Variants in MCPH1 observed in about 807,000 individuals in gnomAD.
The protein encoded by MCPH1 is microcephalin 1.
MCPH1 carries 104 observed loss-of-function variants against 84.5 expected under a neutral mutation model. That is an observed-to-expected ratio of 1.23 (90% confidence interval 1.05 to 1.45). The LOEUF is 1.45. Ranked by LOEUF, MCPH1 falls within the 40% of genes most tolerant of loss-of-function variation. The probability of loss-of-function intolerance (pLI) is 0.00; values close to 1 mark genes in which losing one functional copy is unlikely to be tolerated. For synonymous variants in MCPH1, 514 were observed against 366.8 expected, an observed-to-expected ratio of 1.40 and a Z score of -4.58; for missense variants, 1,498 against 1,005.7, an observed-to-expected ratio of 1.49 and a Z score of -6.62.
chr8:6,433,120 G>C (rs140835986), intron 4 of MCPH1, among the ~76,000 whole-genome samples: 1 of 152,032 alleles, frequency 6.6e-6, no homozygotes, highest in Non-Finnish European at 1.5e-5. Context: ...ATTTCATGTC[G>C]GTAGCTTTGA....
At chr8:6,509,284 C>G (rs915562339) in intron 12 of MCPH1, among the ~76,000 whole-genome samples, 1 of 152,030 alleles carries the variant, frequency 6.6e-6, no homozygotes, top group African/African-American at 2.4e-5. Context: ...ACCTTCAACA[C>G]ATATCACTTG....
At chr8:6,450,507 A>G (rs930788130) in intron 8 of MCPH1, among the ~76,000 whole-genome samples, 4 of 149,204 alleles carry the variant, frequency 2.7e-5, no homozygotes, top group African/African-American at 9.9e-5. Flanking sequence ...TACCAGCCAC[A>G]ACTCATACTA....
intron 12 of MCPH1, among the ~76,000 whole-genome samples, chr8:6,607,762 C>G (rs1456821292): frequency 6.6e-6 from 1 of 152,174 alleles, no homozygotes; most frequent in Admixed American, 6.5e-5. Context: ...TGTCTGCTGC[C>G]ATGTAAGACA....
intron 11 of MCPH1, among the ~76,000 whole-genome samples, chr8:6,498,524 T>C (rs1167249449): frequency 6.6e-6 from 1 of 152,228 alleles, no homozygotes; most frequent in Non-Finnish European, 1.5e-5. Flanking sequence ...TTTCTTAACA[T>C]TTAGAAACGG....
At chr8:6,626,448 G>A (rs1018736730) in intron 13 of MCPH1, 1 of 983,530 alleles carries the variant, frequency 1.0e-6, no homozygotes, top group African/African-American at 1.8e-5. Flanking sequence ...AGGAGAAATG[G>A]GGTTGTTGTT....
At chr8:6,489,147 A>G (rs572120015) in intron 11 of MCPH1, among the ~76,000 whole-genome samples, 59 of 152,334 alleles carry the variant, frequency 3.9e-4, no homozygotes, top group African/African-American at 1.4e-3. Context: ...GGACATTCAA[A>G]TAGAGATACT....
At position 6,644,963 on chromosome 8, in the gene MCPH1, C is replaced by G. The variant is rs1242370174; in HGVS notation, c.*1914C>G. On this transcript the variant is annotated 3_prime_UTR_variant, in exon 14 of 14. Transcript: ENST00000344683. ...ATCATCCCCTTATGATACTCATCCTCTAACAGCAATTGAACTTCAATACAA... is the reference window on the plus strand; with the variant it reads ...ATCATCCCCTTATGATACTCATCCTGTAACAGCAATTGAACTTCAATACAA... 1 of 152,222 alleles carries G rather than the reference C, an allele frequency of 6.6e-6. No homozygotes were observed. Among genetic ancestry groups the G allele is most frequent in the Non-Finnish European group, 1.5e-5 (1 of 68,038 alleles). The allele number at this position is 152,222 out of a possible 1,614,324, so 9.4% of individuals were successfully genotyped here. A position where few individuals can be genotyped will look rare whatever the true frequency, so the allele number is the denominator to read the frequency against.
intron 12 of MCPH1, among the ~76,000 whole-genome samples, chr8:6,613,039 C>G (rs903205139): frequency 6.6e-6 from 1 of 152,164 alleles, no homozygotes; most frequent in Non-Finnish European, 1.5e-5. Flanking sequence ...CTTGAGAAGG[C>G]GAGAGGCATG....
At chr8:6,642,321 G>C (rs1797987046) in intron 13 of MCPH1, among the ~76,000 whole-genome samples, 1 of 152,152 alleles carries the variant, frequency 6.6e-6, no homozygotes, top group Admixed American at 6.5e-5. Flanking sequence ...TGAGGAAAGA[G>C]GGAGGGGTTG....
intron 12 of MCPH1, chr8:6,532,315 T>G (rs1586426054): frequency 6.2e-7 from 1 of 1,614,140 alleles, no homozygotes; most frequent in East Asian, 2.2e-5. Context: ...CCGTGTGCTT[T>G]ATGTGGCATT....
At chr8:6,514,153 C>CA (rs894429255) in intron 12 of MCPH1, among the ~76,000 whole-genome samples, 2 of 151,978 alleles carry the variant, frequency 1.3e-5, no homozygotes. Context: ...GTCGGCTTAC[C>CA]AAAAAAATGC....
At chr8:6,423,197 T>G (rs1309811252) in intron 3 of MCPH1, among the ~76,000 whole-genome samples, 1 of 142,690 alleles carries the variant, frequency 7.0e-6, no homozygotes, top group Non-Finnish European at 1.5e-5. Flanking sequence ...TTTCTTTTTT[T>G]TTTTTTTTTT....
At chr8:6,584,246 G>GT (rs1388505731) in intron 12 of MCPH1, among the ~76,000 whole-genome samples, 1 of 152,176 alleles carries the variant, frequency 6.6e-6, no homozygotes. Flanking sequence ...GAAGGAAACC[G>GT]TAAGTTCATC....
intron 13 of MCPH1, among the ~76,000 whole-genome samples, chr8:6,623,754 C>CTGTT (rs1410084183): frequency 1.4e-5 from 2 of 142,850 alleles, no homozygotes; most frequent in South Asian, 2.3e-4. Flanking sequence ...AGCTAAGAGG[C>CTGTT]TGTTTACTCT....
In MCPH1 at chr8:6,644,494, A is replaced by C. The variant is rs1233470106; in HGVS notation, c.*1445A>C. 3 of 152,214 alleles carry C rather than the reference A, an allele frequency of 2.0e-5. No individual in the cohort carries two copies. The highest frequency in any genetic ancestry group is 4.4e-5 in the Non-Finnish European group (3 of 68,042). 9.4% of individuals were successfully genotyped at this position (152,214 alleles called of 1,614,324 possible). On this transcript the variant is annotated 3_prime_UTR_variant, in exon 14 of 14. Transcript: ENST00000344683. Reference sequence around the variant, plus strand: ...TGGAACCGATAAATGACTTAAGTAAAGTTTCAGGATAGTAAATCCATGTAC... The same window carrying C: ...TGGAACCGATAAATGACTTAAGTAACGTTTCAGGATAGTAAATCCATGTAC...
chr8:6,521,394 C>A, intron 12 of MCPH1: 1 of 1,609,930 alleles, frequency 6.2e-7, no homozygotes, highest in Non-Finnish European at 8.5e-7. Context: ...ATAGCTAGCA[C>A]CTTCTTTTCT....
intron 12 of MCPH1, among the ~76,000 whole-genome samples, chr8:6,551,728 A>G (rs1459181405): frequency 6.6e-6 from 1 of 152,246 alleles, no homozygotes; most frequent in African/African-American, 2.4e-5. Context: ...CTTAATAGTT[A>G]AAAATAGTAA....
rs1014916042 is a variant in MCPH1 at position 6,406,757 on chromosome 8, C to T, written c.22+68C>T. The T allele has an allele frequency of 3.2e-6, 5 of 1,563,762 alleles. No individual in the cohort carries two copies. The African/African-American group carries it at 4.0e-5, about 13-fold the overall frequency. On this transcript the variant is annotated intron_variant, in intron 1 of 13. Coordinates refer to ENST00000344683, the MANE Select transcript of MCPH1 (RefSeq NM_024596.5). ...GGACCGGCACCCCTCGTCGCGGGCG[C>T]ACTCGGGGGATCCCGTGGGAGGAGC...
intron 12 of MCPH1, among the ~76,000 whole-genome samples, chr8:6,610,705 G>C (rs1830180234): frequency 6.6e-6 from 1 of 152,114 alleles, no homozygotes; most frequent in African/African-American, 2.4e-5. Context: ...GCATTTTCAA[G>C]TCTGTTATCT....
Sources: allele counts gnomAD v4.1 joint callset (sites outside exome capture counted in the v4.1 genomes callset), GRCh38; gene constraint gnomAD v4.1.1; transcripts MANE v1.5; gene names NCBI Gene and HGNC (gene_info 2026-07-23, HGNC 2026-07-21).